Variants in KIAA1328 observed in about 807,000 individuals in gnomAD.
The protein encoded by KIAA1328 is protein hinderin.
KIAA1328 carries 52 observed loss-of-function variants against 68.1 expected under a neutral mutation model. The ratio of observed to expected loss-of-function variants is 0.76; its 90% confidence interval spans 0.61 to 0.96. The LOEUF (loss-of-function observed/expected upper bound fraction) is 0.96. Ranked by LOEUF, KIAA1328 falls within the 40% of genes least tolerant of loss-of-function variation. The pLI is 0.00. For missense variants in KIAA1328, 641 were observed against 677.6 expected, an observed-to-expected ratio of 0.95 and a Z score of 0.60; for synonymous variants, 232 against 239.4, an observed-to-expected ratio of 0.97 and a Z score of 0.28.
intron 7 of KIAA1328, among the ~76,000 whole-genome samples, chr18:37,098,895 G>C (rs1309101382): frequency 1.3e-5 from 2 of 152,112 alleles, no homozygotes; most frequent in Non-Finnish European, 2.9e-5. Flanking sequence ...ATTGTAGTTT[G>C]TATTTCTGTG....
At chr18:37,225,560 G>A (rs559189389), downstream of KIAA1328, among the ~76,000 whole-genome samples, 143 of 152,270 alleles carry the variant, frequency 9.4e-4, no homozygotes, top group Non-Finnish European at 1.8e-3. Flanking sequence ...ACACCAAGCC[G>A]CCTCTAGATT....
intron 6 of KIAA1328, among the ~76,000 whole-genome samples, chr18:37,047,098 G>C (rs2055503688): frequency 6.6e-6 from 1 of 152,134 alleles, no homozygotes; most frequent in Non-Finnish European, 1.5e-5. Flanking sequence ...CAGAATGTGT[G>C]GTTCCTTTTT....
intron 5 of KIAA1328, among the ~76,000 whole-genome samples, chr18:36,948,338 T>C (rs2050992221): frequency 6.9e-6 from 1 of 144,118 alleles, no homozygotes; most frequent in Admixed American, 7.1e-5. Context: ...CTCGGCTCAC[T>C]GCAACCTCCA....
intron 7 of KIAA1328, among the ~76,000 whole-genome samples, chr18:37,155,403 C>T (rs1019317503): frequency 2.0e-5 from 3 of 152,162 alleles, no homozygotes; most frequent in African/African-American, 7.2e-5. Context: ...CCCCAATCCT[C>T]CTCTGTATTG....
intron 5 of KIAA1328, among the ~76,000 whole-genome samples, chr18:36,894,046 C>A (rs2048789168): frequency 1.3e-5 from 2 of 152,142 alleles, no homozygotes; most frequent in South Asian, 4.1e-4. Flanking sequence ...TTAGGTGAGG[C>A]AGATACTCTT....
chr18:37,133,830 T>C (rs1302061562), intron 7 of KIAA1328, among the ~76,000 whole-genome samples: 1 of 152,074 alleles, frequency 6.6e-6, no homozygotes, highest in Admixed American at 6.6e-5. Flanking sequence ...GGCCTCTGTA[T>C]ACTAAATTTT....
At chr18:37,111,705 A>C (rs1040345605) in intron 7 of KIAA1328, among the ~76,000 whole-genome samples, 4 of 152,114 alleles carry the variant, frequency 2.6e-5, no homozygotes, top group Non-Finnish European at 5.9e-5. Flanking sequence ...TGGGAGTATG[A>C]GCCAAAGCAG....
chr18:36,847,371 C>CT (rs1279792997), intron 4 of KIAA1328, among the ~76,000 whole-genome samples: 6 of 151,666 alleles, frequency 4.0e-5, no homozygotes, highest in African/African-American at 1.4e-4. Context: ...CCACTAGCAA[C>CT]TTATGTGAGT....
chr18:36,959,257 A>G, intron 5 of KIAA1328, 51 bp from the exon 6 acceptor site: 1 of 1,502,738 alleles, frequency 6.7e-7, no homozygotes, highest in Non-Finnish European at 8.9e-7. Flanking sequence ...GCATTGATGG[A>G]TGCAGTTTGA....
chr18:36,911,243 C>G (rs987245216), intron 5 of KIAA1328, among the ~76,000 whole-genome samples: 1 of 152,112 alleles, frequency 6.6e-6, no homozygotes, highest in Non-Finnish European at 1.5e-5. Flanking sequence ...ATAAAAATTA[C>G]TAGAATCACC....
chr18:36,859,749 C>T (rs1315861191), intron 4 of KIAA1328, among the ~76,000 whole-genome samples: 1 of 151,482 alleles, frequency 6.6e-6, no homozygotes, highest in African/African-American at 2.4e-5. Flanking sequence ...TGCACTCTGC[C>T]TTCTTGTATT....
intron 7 of KIAA1328, among the ~76,000 whole-genome samples, chr18:37,150,083 A>G (rs934141896): frequency 6.6e-6 from 1 of 152,198 alleles, no homozygotes; most frequent in Non-Finnish European, 1.5e-5. Flanking sequence ...GAATAACCCT[A>G]TATCTGTTAA....
chr18:36,861,393 T>C (rs2047561324), intron 4 of KIAA1328, among the ~76,000 whole-genome samples: 1 of 152,180 alleles, frequency 6.6e-6, no homozygotes. Context: ...TTTTTCTCTG[T>C]GTAATTAATT....
chr18:37,088,070 C>G (rs115234509), intron 7 of KIAA1328, among the ~76,000 whole-genome samples: 1 of 152,158 alleles, frequency 6.6e-6, no homozygotes, highest in Non-Finnish European at 1.5e-5. Flanking sequence ...TTCCTCCAGT[C>G]TCTGAGCCTT....
At chr18:37,097,364 G>T (rs1462054246) in intron 7 of KIAA1328, among the ~76,000 whole-genome samples, 9 of 152,154 alleles carry the variant, frequency 5.9e-5, no homozygotes, top group Non-Finnish European at 1.3e-4. Flanking sequence ...TGTCAGGTTT[G>T]TCAAAGATCA....
chr18:37,217,673 T>G (rs932497332), intron 9 of KIAA1328, among the ~76,000 whole-genome samples: 2 of 152,206 alleles, frequency 1.3e-5, no homozygotes, highest in African/African-American at 4.8e-5. Context: ...AAGGAGTATC[T>G]TTGTGGTGTT....
intron 5 of KIAA1328, among the ~76,000 whole-genome samples, chr18:36,949,705 G>A (rs751625021): frequency 1.2e-4 from 18 of 145,928 alleles, no homozygotes; most frequent in East Asian, 2.1e-4. Flanking sequence ...CTATCTTTCC[G>A]TGGCTCATGT....
At chr18:37,126,730 A>G (rs541758320) in intron 7 of KIAA1328, among the ~76,000 whole-genome samples, 15 of 152,150 alleles carry the variant, frequency 9.9e-5, no homozygotes, top group Admixed American at 2.0e-4. Context: ...TGAATCCAGC[A>G]TTGTATACAA....
At chr18:37,041,426 T>C (rs2055241149) in intron 6 of KIAA1328, among the ~76,000 whole-genome samples, 2 of 152,114 alleles carry the variant, frequency 1.3e-5, no homozygotes, top group Admixed American at 1.3e-4. Context: ...GTTATTTATA[T>C]ATGAATCTGA....
Sources: allele counts gnomAD v4.1 joint callset (sites outside exome capture counted in the v4.1 genomes callset), GRCh38; gene constraint gnomAD v4.1.1; transcripts MANE v1.5; gene names NCBI Gene and HGNC (gene_info 2026-07-23, HGNC 2026-07-21).